The following DACT3 variants were observed in gnomAD, a reference collection of about 807,000 sequenced individuals.
DACT3 encodes the protein dishevelled binding antagonist of beta catenin 3, also known as dapper homolog 3.
A neutral mutation model predicts 19.6 loss-of-function variants in DACT3; 5 were observed. That is an observed-to-expected ratio of 0.26 (90% CI 0.13 to 0.54). The LOEUF is 0.54. Among genes scored for constraint, DACT3 ranks in the 20% least tolerant of loss-of-function variants. The pLI, the probability that DACT3 is intolerant of heterozygous loss-of-function variation, is 0.95. For synonymous variants in DACT3, 454 were observed against 428.1 expected, an observed-to-expected ratio of 1.06 and a Z score of -0.75; for missense variants, 908 against 927.4, an observed-to-expected ratio of 0.98 and a Z score of 0.27.
Position 46,649,502 on chromosome 19 carries a change from G to A in DACT3, c.870C>T (p.Pro290=), listed in dbSNP as rs1394099679. Residue 290 remains proline (P), a synonymous_variant, in exon 4 of 4, where the codon CCC becomes CCT. Coordinates refer to ENST00000391916, the MANE Select transcript of DACT3 (RefSeq NM_145056.3). ...CGCTGCCGGGGGACGGAGACGCGTC[G>A]GGCGGCCGCTGGCGCACGCTGTTCT... ...RRQNSVRQRP[P]DASPSPGSAR... is the part of the protein sequence containing the mutation. The A allele has an allele frequency of 1.2e-5, 13 of 1,104,950 alleles. No individual in the cohort carries two copies. Among genetic ancestry groups the A allele is most frequent in the Non-Finnish European group, 1.4e-5 (13 of 909,080 alleles). 68.4% of individuals were successfully genotyped at this position (1,104,950 alleles called of 1,614,324 possible).
rs1164262694 is a variant in DACT3, at chr19:46,647,933, T to A, written c.*549A>T. 1.3e-5 allele frequency: 2 copies of A among 153,852 alleles called. No individual in the cohort carries two copies. The highest frequency in any genetic ancestry group is 4.8e-5 in the African/African-American group (2 of 41,406). The allele number at this position is 153,852 out of a possible 1,614,324, so 9.5% of individuals were successfully genotyped here. On this transcript the variant is annotated 3_prime_UTR_variant, in exon 4 of 4. Transcript: ENST00000391916. ...ACCCTCAAAACCCCCAAATCAGTGC[T>A]CCTTCCCTTCCCAGGGCACTCTGCA...
intron 1 of DACT3, among the ~76,000 whole-genome samples, chr19:46,655,702 A>AT (rs1184416907): frequency 1.3e-5 from 2 of 152,042 alleles, no homozygotes; most frequent in African/African-American, 4.8e-5. Context: ...GAACGCGGAG[A>AT]TTTGTCTGTT....
At position 46,648,485 on chromosome 19, in the gene DACT3, C is replaced by T; in HGVS notation, c.1887G>A (p.Val629=). Residue 629 remains valine (V), a synonymous_variant, in exon 4 of 4, where the codon GTG becomes GTA. Coordinates refer to ENST00000391916, the MANE Select transcript of DACT3 (RefSeq NM_145056.3). The surrounding 1 kb of genome is among the most constrained non-coding windows in gnomAD (Gnocchi z 5.1). ...RSGSLKVMTT[V] Reference sequence around the variant, plus strand: ...GAGCCCAAGCAAATCCCCAAACTCACACTGTAGTCATGACCTTGAGAGAAC... The same window carrying T: ...GAGCCCAAGCAAATCCCCAAACTCATACTGTAGTCATGACCTTGAGAGAAC... The T allele has an allele frequency of 6.2e-7, 1 of 1,613,982 alleles. No homozygotes were observed. The highest frequency in any genetic ancestry group is 2.2e-5 in the East Asian group (1 of 44,874).
intron 1 of DACT3, among the ~76,000 whole-genome samples, chr19:46,655,925 C>CTCTCTCTATA (rs980735397): frequency 1.6e-4 from 22 of 137,896 alleles, no homozygotes; most frequent in African/African-American, 4.8e-4. Context: ...CTCTCTCTCT[C>CTCTCTCTATA]TATATATATA....
chr19:46,654,128 T>A lies in DACT3; in HGVS notation c.250-1053A>T, dbSNP rs113314878. The A allele has an allele frequency of 1.2e-3, 1,147 of 985,360 alleles. 11 individuals are homozygous for A. The African/African-American group carries it at 0.018, about 15-fold the overall frequency. 61.0% of individuals were successfully genotyped at this position (985,360 alleles called of 1,614,324 possible). A position where few individuals can be genotyped will look rare whatever the true frequency, so the allele number is the denominator to read the frequency against. ...TGCCCTAGAGACCACATCCTCCTTC[T>A]GCCTTTGGTCCACTCCCACCAGGAA... On this transcript the variant is annotated intron_variant, in intron 1 of 3. Coordinates refer to ENST00000391916, the MANE Select transcript of DACT3 (RefSeq NM_145056.3).
At chr19:46,656,419 C>T (rs1307061366) in intron 1 of DACT3, among the ~76,000 whole-genome samples, 1 of 152,084 alleles carries the variant, frequency 6.6e-6, no homozygotes, top group African/African-American at 2.4e-5. Context: ...ACGATCACGG[C>T]TCACTGCAGC....
rs1481038173 is a variant in DACT3 at position 46,656,003 on chromosome 19, TAC to T, written c.250-2930_250-2929del. 3.3e-5 allele frequency among the ~76,000 whole-genome samples: 5 copies of T among 150,562 alleles called. No homozygotes were observed. The East Asian group carries it at 9.7e-4, about 29-fold the overall frequency. ...TATATACACATATATACACTATATA[TAC>T]ACACATGTATATACACATATATGTA... On this transcript the variant is annotated intron_variant, in intron 1 of 3. Transcript: ENST00000391916.
Position 46,649,833 on chromosome 19 carries a change from C to G in DACT3, c.539G>C (p.Arg180Pro). The part of the protein sequence containing the change: ...SPSAPEVVGA[R>P]AAVPRSFSAP... ...TGAGAAGGACCGCGGCACCGCTGCCCGCGCGCCCACCACCTCCGGAGCGCT... is the reference window on the plus strand; with the variant it reads ...TGAGAAGGACCGCGGCACCGCTGCCGGCGCGCCCACCACCTCCGGAGCGCT... Residue 180 changes from arginine to proline, a missense_variant, in exon 4 of 4, where the codon CGG (arginine) becomes CCG (proline). By Grantham distance (103) the Arg-to-Pro change is moderately radical. Around this residue, in one of 2 missense-constraint regions of DACT3, gnomAD observed 252 missense variants for 325.6 expected, o/e 0.77. Coordinates refer to ENST00000391916, the MANE Select transcript of DACT3 (RefSeq NM_145056.3). 1 of 1,423,284 alleles carries G rather than the reference C, an allele frequency of 7.0e-7. No homozygotes were observed. The highest frequency in any genetic ancestry group is 9.1e-7 in the Non-Finnish European group (1 of 1,095,218). 88.2% of individuals were successfully genotyped at this position (1,423,284 alleles called of 1,614,324 possible).
chr19:46,655,750 G>C (rs1056609075), intron 1 of DACT3, among the ~76,000 whole-genome samples: 3 of 152,114 alleles, frequency 2.0e-5, no homozygotes, highest in African/African-American at 7.2e-5. Context: ...GCCTAGAACA[G>C]TGCCTGGCAC....
chr19:46,655,901 G>GTCTCTCTCTCTC (rs140521907), intron 1 of DACT3, among the ~76,000 whole-genome samples: 1,460 of 131,702 alleles, frequency 0.011, 24 homozygotes, highest in African/African-American at 0.029. Flanking sequence ...GTGAGACCCA[G>GTCTCTCTCTCTC]TCTCTCTCTC....
chr19:46,649,873 C>T lies in DACT3; in HGVS notation c.500-1G>A. On this transcript the variant is annotated splice_acceptor_variant, in intron 3 of 3. Transcript: ENST00000391916. LOFTEE classifies it high-confidence loss of function. ...TCCGGAGCGCTGGGACTGGCGTCTC[C>T]TAGGGAAGGAAGGCCAAAAAAAAAA... 1 of 1,361,876 alleles carries T rather than the reference C, an allele frequency of 7.3e-7. No homozygotes were observed. Among genetic ancestry groups the T allele is most frequent in the Non-Finnish European group, 9.4e-7 (1 of 1,068,178 alleles). 84.4% of individuals were successfully genotyped at this position (1,361,876 alleles called of 1,614,324 possible).
chr19:46,657,121 A>G (rs1360247666), intron 1 of DACT3, among the ~76,000 whole-genome samples: 2 of 152,152 alleles, frequency 1.3e-5, no homozygotes, highest in African/African-American at 2.4e-5. Context: ...TGGTGACCTC[A>G]GGGGATAGGT....
rs2052956081 is a variant in DACT3 at position 46,649,418 on chromosome 19, G to A, written c.954C>T (p.Ala318=). The A allele has an allele frequency of 4.7e-6, 6 of 1,279,908 alleles. No individual in the cohort carries two copies. The highest frequency in any genetic ancestry group is 1.9e-5 in the South Asian group (1 of 54,018). The allele number at this position is 1,279,908 out of a possible 1,614,324, so 79.3% of individuals were successfully genotyped here. A position where few individuals can be genotyped will look rare whatever the true frequency, so the allele number is the denominator to read the frequency against. The part of the protein sequence containing the change: ...ERVGGHPTSP[A]ALSRAWASSW... The stretch of plus-strand genomic sequence containing the variant: ...ACGACGCCCAGGCGCGGCTCAAGGC[G>A]GCAGGGCTGGTGGGGTGGCCCCCGA... The change falls in exon 4 of 4, where the codon GCC becomes GCT. Residue 318 remains alanine, a synonymous_variant. Coordinates refer to ENST00000391916, the MANE Select transcript of DACT3 (RefSeq NM_145056.3).
chr19:46,657,095 A>G (rs1457339263), intron 1 of DACT3, among the ~76,000 whole-genome samples: 1 of 152,148 alleles, frequency 6.6e-6, no homozygotes, highest in African/African-American at 2.4e-5. Context: ...GGGAGGTGAC[A>G]CTAAGGTGAC....
intron 1 of DACT3, among the ~76,000 whole-genome samples, chr19:46,657,376 C>G (rs1378110566): frequency 2.0e-5 from 2 of 99,488 alleles, no homozygotes; most frequent in African/African-American, 8.3e-5. Flanking sequence ...TTTTTTGAGA[C>G]GGAGTCTTGC....
Position 46,649,271 on chromosome 19 carries a change from G to A in DACT3, c.1101C>T (p.Thr367=), listed in dbSNP as rs1383879049. The A allele has an allele frequency of 1.3e-5, 16 of 1,209,784 alleles. No homozygotes were observed. The highest frequency in any genetic ancestry group is 1.5e-5 in the Non-Finnish European group (15 of 974,954). The allele number at this position is 1,209,784 out of a possible 1,614,324, so 74.9% of individuals were successfully genotyped here. A position where few individuals can be genotyped will look rare whatever the true frequency, so the allele number is the denominator to read the frequency against. The change falls in exon 4 of 4, where the codon ACC becomes ACT. Residue 367 remains threonine (T), a synonymous_variant. Coordinates refer to ENST00000391916, the MANE Select transcript of DACT3 (RefSeq NM_145056.3). The part of the protein sequence containing the change: ...AQYIPGAQAA[T]RGLPGRAARR... ...GGGCGGCGCGGCCAGGGAGGCCTCG[G>A]GTGGCCGCCTGCGCGCCCGGGATGT...
intron 1 of DACT3, chr19:46,654,350 G>T: frequency 1.8e-6 from 1 of 548,166 alleles, no homozygotes; most frequent in Non-Finnish European, 2.3e-6. Context: ...GCGGGGCGTG[G>T]TGGTTTGCGC....
chr19:46,653,837 AG>A (rs1289536544), intron 1 of DACT3, among the ~76,000 whole-genome samples: 1 of 152,150 alleles, frequency 6.6e-6, no homozygotes, highest in Non-Finnish European at 1.5e-5. Context: ...TACAGGCATG[AG>A]CCACTGCGCC....
chr19:46,652,830 G>C lies in DACT3; in HGVS notation c.347-18C>G, dbSNP rs1479360033. ...ATAGAAGCCTAAATTTCCAGGAGAA[G>C]CAGAGAGACTTCAGGGGGTTTGGGT... On this transcript the variant is annotated intron_variant, in intron 2 of 3. Transcript: ENST00000391916. 1 of 1,547,358 alleles carries C rather than the reference G, an allele frequency of 6.5e-7. No individual in the cohort carries two copies. The highest frequency in any genetic ancestry group is 1.2e-5 in the South Asian group (1 of 83,926).
Sources: gnomAD v4.1 joint callset for allele counts (sites outside exome capture counted in the v4.1 genomes callset) on GRCh38, gnomAD v4.1.1 for gene constraint, gnomAD v4.1.1 regional missense constraint, Gnocchi (gnomAD v3.1) non-coding constraint, MANE v1.5 for transcripts, NCBI Gene and HGNC (gene_info 2026-07-23, HGNC 2026-07-21) for gene names.